The following EXOC6B variants were observed in gnomAD, a reference collection of about 807,000 sequenced individuals.
The protein encoded by EXOC6B is exocyst complex component 6B, also known as SEC15 homolog B.
Under a neutral mutation model 113.5 loss-of-function variants are expected in EXOC6B, and 54 were observed. The observed-to-expected ratio is 0.48, with a 90% CI of 0.38 to 0.60. EXOC6B has a LOEUF of 0.60. Among genes scored for constraint, EXOC6B ranks in the 20% least tolerant of loss-of-function variants. The pLI, the probability that EXOC6B is intolerant of heterozygous loss-of-function variation, is 0.00. For missense variants in EXOC6B, 797 were observed against 977.5 expected (o/e 0.82, Z 2.46); for synonymous variants, 357 against 339.0 (o/e 1.05, Z -0.58).
At chr2:72,222,342 C>A (rs1001904614) in intron 20 of EXOC6B, among the ~76,000 whole-genome samples, 26 of 152,038 alleles carry the variant, frequency 1.7e-4, no homozygotes, top group African/African-American at 5.8e-4. Context: ...GAAAGGTGGG[C>A]CTTAAAGTAT....
intron 20 of EXOC6B, among the ~76,000 whole-genome samples, chr2:72,279,870 G>A (rs570464211): frequency 6.2e-4 from 94 of 151,858 alleles, no homozygotes; most frequent in African/African-American, 2.1e-3. Flanking sequence ...TCGAATTCGT[G>A]AGCTCAAGTG....
chr2:72,663,222 C>A (rs548018234), intron 6 of EXOC6B, among the ~76,000 whole-genome samples: 2 of 152,170 alleles, frequency 1.3e-5, no homozygotes, highest in East Asian at 1.9e-4. Flanking sequence ...TTGACACACA[C>A]AATAATTTGG....
intron 6 of EXOC6B, among the ~76,000 whole-genome samples, chr2:72,659,164 C>T (rs1178307717): frequency 1.3e-5 from 2 of 152,058 alleles, no homozygotes; most frequent in Non-Finnish European, 2.9e-5. Context: ...ACAATACAGT[C>T]TTTTGACTAC....
At chr2:72,715,508 G>T (rs1050892486) in intron 6 of EXOC6B, among the ~76,000 whole-genome samples, 6 of 149,470 alleles carry the variant, frequency 4.0e-5, no homozygotes, top group African/African-American at 1.5e-4. Flanking sequence ...TGAAAACAAG[G>T]AAAAGCCAGC....
chr2:72,795,061 A>AT (rs1193214358), intron 1 of EXOC6B, among the ~76,000 whole-genome samples: 3 of 152,220 alleles, frequency 2.0e-5, no homozygotes, highest in Non-Finnish European at 2.9e-5. Context: ...GTCTGGGCAC[A>AT]TACTTTTTTG....
chr2:72,726,378 T>G (rs1680302378), intron 5 of EXOC6B, among the ~76,000 whole-genome samples: 2 of 151,978 alleles, frequency 1.3e-5, no homozygotes, highest in South Asian at 4.1e-4. Context: ...GTAATTCAAT[T>G]TAAAAACTGA....
intron 20 of EXOC6B, among the ~76,000 whole-genome samples, chr2:72,320,674 T>C (rs1025988909): frequency 6.6e-6 from 1 of 152,126 alleles, no homozygotes; most frequent in Non-Finnish European, 1.5e-5. Context: ...TAGGCAAAGA[T>C]TTCTTAAGAT....
At chr2:72,348,409 A>G (rs917976410) in intron 19 of EXOC6B, among the ~76,000 whole-genome samples, 1 of 152,168 alleles carries the variant, frequency 6.6e-6, no homozygotes, top group Admixed American at 6.6e-5. Flanking sequence ...GCCCTCTTAG[A>G]TAATGAGAGA....
At chr2:72,214,538 C>T (rs1336232485) in intron 20 of EXOC6B, among the ~76,000 whole-genome samples, 1 of 151,716 alleles carries the variant, frequency 6.6e-6, no homozygotes, top group Non-Finnish European at 1.5e-5. Context: ...TGTGGTAACC[C>T]AAGCCCCTTT....
At chr2:72,199,716 A>G (rs1006712870) in intron 20 of EXOC6B, among the ~76,000 whole-genome samples, 2 of 152,156 alleles carry the variant, frequency 1.3e-5, no homozygotes, top group Non-Finnish European at 2.9e-5. Context: ...CTAAGGGATC[A>G]AGCATCCTAC....
intron 20 of EXOC6B, among the ~76,000 whole-genome samples, chr2:72,259,552 A>T (rs1683576071): frequency 6.6e-6 from 1 of 152,232 alleles, no homozygotes; most frequent in Non-Finnish European, 1.5e-5. Context: ...CTATGATTGC[A>T]TGTGCTGGGT....
chr2:72,614,124 C>A (rs1671246046), intron 6 of EXOC6B, among the ~76,000 whole-genome samples: 1 of 152,110 alleles, frequency 6.6e-6, no homozygotes, highest in Non-Finnish European at 1.5e-5. Flanking sequence ...TTTGTCAACT[C>A]TTGGCCTAGA....
intron 1 of EXOC6B, among the ~76,000 whole-genome samples, chr2:72,760,086 T>C (rs1349365174): frequency 2.0e-5 from 3 of 152,234 alleles, no homozygotes; most frequent in East Asian, 3.8e-4. Flanking sequence ...TATTAAGCTG[T>C]ATTAAATCAT....
chr2:72,746,230 C>T (rs1157463750), intron 1 of EXOC6B, among the ~76,000 whole-genome samples: 1 of 151,946 alleles, frequency 6.6e-6, no homozygotes, highest in South Asian at 2.1e-4. Context: ...AACTGCACCA[C>T]TAGTTTAATT....
chr2:72,712,827 A>G (rs1679358313), intron 6 of EXOC6B, among the ~76,000 whole-genome samples: 1 of 152,170 alleles, frequency 6.6e-6, no homozygotes, highest in Non-Finnish European at 1.5e-5. Flanking sequence ...AACACATGCA[A>G]TTAAAGAAAA....
intron 20 of EXOC6B, among the ~76,000 whole-genome samples, chr2:72,246,510 T>TC (rs1287072161): frequency 1.7e-4 from 26 of 150,392 alleles, no homozygotes; most frequent in Non-Finnish European, 3.6e-4. Flanking sequence ...CTAATTGATT[T>TC]TTTTTTTTTT....
chr2:72,416,442 C>T (rs560039001), intron 18 of EXOC6B, among the ~76,000 whole-genome samples: 20 of 152,160 alleles, frequency 1.3e-4, no homozygotes, highest in Non-Finnish European at 2.2e-4. Context: ...AAATATCTAA[C>T]ATATAACTGC....
intron 20 of EXOC6B, among the ~76,000 whole-genome samples, chr2:72,211,736 T>C (rs1385224864): frequency 6.6e-6 from 1 of 152,204 alleles, no homozygotes; most frequent in African/African-American, 2.4e-5. Context: ...TAATCTTAGA[T>C]TGCTATGAAA....
intron 6 of EXOC6B, among the ~76,000 whole-genome samples, chr2:72,606,516 G>C (rs1157997212): frequency 1.3e-5 from 2 of 152,008 alleles, no homozygotes; most frequent in Non-Finnish European, 2.9e-5. Flanking sequence ...ATCACTTGAG[G>C]ACAGGAGTTG....
Sources: allele counts gnomAD v4.1 joint callset (sites outside exome capture counted in the v4.1 genomes callset), GRCh38; gene constraint gnomAD v4.1.1; transcripts MANE v1.5; gene names NCBI Gene and HGNC (gene_info 2026-07-23, HGNC 2026-07-21).